The following CSMD2 variants were observed in gnomAD, a reference collection of about 807,000 sequenced individuals.
CSMD2 encodes the protein CUB and Sushi multiple domains 2, also known as CUB and sushi domain-containing protein 2.
CSMD2 carries 130 observed loss-of-function variants against 398.5 expected under a neutral mutation model. The ratio of observed to expected loss-of-function variants is 0.33; its 90% CI spans 0.28 to 0.38. The LOEUF is 0.38. Ranked by LOEUF, CSMD2 falls within the 10% of genes least tolerant of loss-of-function variation. The pLI is 1.00. For synonymous variants in CSMD2, 1,828 were observed against 1,908.5 expected, an observed-to-expected ratio of 0.96 and a Z score of 1.10; for missense variants, 3,829 against 4,764.9, an observed-to-expected ratio of 0.80 and a Z score of 5.78.
At chr1:34,110,087 T>C (rs1045751230) in intron 1 of CSMD2, among the ~76,000 whole-genome samples, 1 of 113,480 alleles carries the variant, frequency 8.8e-6, no homozygotes, top group African/African-American at 3.2e-5. Flanking sequence ...AACAAGCATA[T>C]AAAAAAAGCT....
At chr1:34,160,653 G>A (rs952322613) in intron 1 of CSMD2, among the ~76,000 whole-genome samples, 3 of 152,196 alleles carry the variant, frequency 2.0e-5, no homozygotes, top group African/African-American at 7.2e-5. Flanking sequence ...AACCTGAGCT[G>A]GATATGGGGA....
chr1:33,948,918 A>G (rs946621441), intron 3 of CSMD2, among the ~76,000 whole-genome samples: 2 of 152,174 alleles, frequency 1.3e-5, no homozygotes, highest in African/African-American at 4.8e-5. Flanking sequence ...ACAGGGCATC[A>G]TGGTCCAGAA....
chr1:34,011,793 T>A (rs762327312), intron 3 of CSMD2, among the ~76,000 whole-genome samples: 1 of 152,176 alleles, frequency 6.6e-6, no homozygotes, highest in African/African-American at 2.4e-5. Context: ...AGTTACCCTG[T>A]TGGGGTATCA....
At chr1:34,098,680 A>C (rs1558384614) in intron 1 of CSMD2, among the ~76,000 whole-genome samples, 2 of 152,234 alleles carry the variant, frequency 1.3e-5, no homozygotes, top group Middle Eastern at 3.4e-3. Flanking sequence ...TTGAGAAAAG[A>C]AAAAGACTTT....
At chr1:33,988,793 C>T (rs10914829) in intron 3 of CSMD2, among the ~76,000 whole-genome samples, 36,194 of 151,370 alleles carry the variant, frequency 0.24, 5,226 homozygotes, top group Non-Finnish European at 0.32. Flanking sequence ...ATTCAAAATA[C>T]GATCTGCTAA....
chr1:33,956,740 G>A (rs528372423), intron 3 of CSMD2, among the ~76,000 whole-genome samples: 6 of 151,882 alleles, frequency 4.0e-5, no homozygotes, highest in African/African-American at 9.7e-5. Context: ...TCCTTCACCC[G>A]GTGTCTCCAA....
At chr1:34,083,642 A>T (rs555448334) in intron 2 of CSMD2, among the ~76,000 whole-genome samples, 3 of 152,330 alleles carry the variant, frequency 2.0e-5, no homozygotes, top group African/African-American at 7.2e-5. Context: ...TAGACCGGGC[A>T]TGGAGGCTCA....
chr1:33,644,858 G>A (rs1197633446), intron 29 of CSMD2, among the ~76,000 whole-genome samples: 1 of 152,152 alleles, frequency 6.6e-6, no homozygotes, highest in Admixed American at 6.5e-5. Context: ...AATGGCAGGT[G>A]CCTGGAGGAA....
At position 33,820,565 on chromosome 1, in the gene CSMD2, C is replaced by CAA. The variant is rs753962666; in HGVS notation, c.1112-11_1112-10dup. ...CACACCAACCTGAGTTACTACAAGGCAAAAAAAAAAAAAAAAAAAAAAACA... is the reference window on the plus strand; with the variant it reads ...CACACCAACCTGAGTTACTACAAGGCAAAAAAAAAAAAAAAAAAAAAAAAACA... On this transcript the variant is annotated splice_polypyrimidine_tract_variant and intron_variant, in intron 7 of 70. Coordinates refer to ENST00000373381, the MANE Select transcript of CSMD2 (RefSeq NM_001281956.2). 0.03 allele frequency: 13,398 copies of CAA among 439,958 alleles called. 591 individuals are homozygous for CAA. Among genetic ancestry groups the CAA allele is most frequent in the East Asian group, 0.05 (1,338 of 26,542 alleles). The allele number at this position is 439,958 out of a possible 1,614,324, so 27.3% of individuals were successfully genotyped here.
chr1:34,022,339 G>A (rs1649012560), intron 3 of CSMD2, among the ~76,000 whole-genome samples: 1 of 152,154 alleles, frequency 6.6e-6, no homozygotes. Context: ...CCTATGATAA[G>A]GGGTCAGAGG....
intron 5 of CSMD2, among the ~76,000 whole-genome samples, chr1:33,883,194 C>T (rs1468666761): frequency 6.6e-6 from 1 of 152,142 alleles, no homozygotes; most frequent in Non-Finnish European, 1.5e-5. Flanking sequence ...CATTTAGCTA[C>T]CCAAAAACAG....
intron 13 of CSMD2, among the ~76,000 whole-genome samples, chr1:33,762,257 C>T (rs1476435599): frequency 6.6e-6 from 1 of 152,214 alleles, no homozygotes; most frequent in African/African-American, 2.4e-5. Flanking sequence ...TGAAAACAGA[C>T]CCTGGCTGGG....
At chr1:33,728,446 G>C (rs1646614161) in intron 15 of CSMD2, among the ~76,000 whole-genome samples, 1 of 152,124 alleles carries the variant, frequency 6.6e-6, no homozygotes, top group Non-Finnish European at 1.5e-5. Context: ...AATAAGGGTA[G>C]TAGTCGTCAA....
intron 3 of CSMD2, among the ~76,000 whole-genome samples, chr1:33,977,411 G>C (rs923027041): frequency 1.3e-5 from 2 of 151,908 alleles, no homozygotes; most frequent in African/African-American, 4.8e-5. Context: ...GTGGGAGCAG[G>C]AGATTCAACC....
intron 3 of CSMD2, among the ~76,000 whole-genome samples, chr1:33,962,039 G>C (rs1411624286): frequency 6.6e-6 from 1 of 152,214 alleles, no homozygotes; most frequent in Admixed American, 6.5e-5. Flanking sequence ...CTGGCACCTA[G>C]TAAGGACTCA....
intron 2 of CSMD2, among the ~76,000 whole-genome samples, chr1:34,034,748 A>C (rs1650905049): frequency 6.6e-6 from 1 of 152,200 alleles, no homozygotes; most frequent in Non-Finnish European, 1.5e-5. Flanking sequence ...AGAGGCCTTA[A>C]AGGAAAATAT....
At chr1:33,836,242 A>G (rs1407329194) in intron 6 of CSMD2, among the ~76,000 whole-genome samples, 1 of 152,140 alleles carries the variant, frequency 6.6e-6, no homozygotes, top group Non-Finnish European at 1.5e-5. Flanking sequence ...TCAGAGGAGT[A>G]CCCGGCTGTG....
At chr1:33,707,683 A>G (rs888689390) in intron 22 of CSMD2, among the ~76,000 whole-genome samples, 2 of 72,262 alleles carry the variant, frequency 2.8e-5, no homozygotes, top group African/African-American at 1.3e-4. Context: ...ACGCGTGCAC[A>G]CGCGCGCGCG....
intron 64 of CSMD2, among the ~76,000 whole-genome samples, chr1:33,531,678 C>G (rs1334991302): frequency 6.6e-6 from 1 of 152,186 alleles, no homozygotes; most frequent in African/African-American, 2.4e-5. Context: ...ATGGTTAAAT[C>G]TTGAAAACAT....
Sources: gnomAD v4.1 joint callset for allele counts (sites outside exome capture counted in the v4.1 genomes callset) on GRCh38, gnomAD v4.1.1 for gene constraint, MANE v1.5 for transcripts, NCBI Gene and HGNC (gene_info 2026-07-23, HGNC 2026-07-21) for gene names.